Variants in DYNC1I1 observed in about 807,000 individuals in gnomAD.
DYNC1I1 encodes the protein dynein cytoplasmic 1 intermediate chain 1.
In DYNC1I1, 43 loss-of-function variants were observed where a neutral mutation model predicts 86.6. The observed-to-expected ratio is 0.50, with a 90% CI of 0.39 to 0.64. The LOEUF is 0.64. Among genes scored for constraint, DYNC1I1 ranks in the 30% least tolerant of loss-of-function variants. DYNC1I1 has a pLI of 0.00. For missense variants in DYNC1I1, 604 were observed against 788.8 expected, an observed-to-expected ratio of 0.77 and a Z score of 2.81; for synonymous variants, 262 against 283.7, an observed-to-expected ratio of 0.92 and a Z score of 0.77.
intron 5 of DYNC1I1, among the ~76,000 whole-genome samples, chr7:95,860,812 C>G (rs533088534): frequency 5.3e-5 from 8 of 152,152 alleles, no homozygotes; most frequent in African/African-American, 1.9e-4. Flanking sequence ...AGAAGGCAGA[C>G]AGGCAAAAAA....
Position 95,871,042 on chromosome 7 carries a change from C to T in DYNC1I1, c.490+1044C>T, listed in dbSNP as rs550804475. On this transcript the variant is annotated intron_variant, in intron 6 of 16. Transcript: ENST00000447467. ...TAGCATTTCCCCCTTAGTGATTTAC[C>T]GGAAATATAAAAATCAGTGCATTTT... 3.3e-5 allele frequency among the ~76,000 whole-genome samples: 5 copies of T among 152,078 alleles called. No homozygotes were observed. In the South Asian group the frequency reaches 1.0e-3, roughly 32 times the overall value.
intron 4 of DYNC1I1, among the ~76,000 whole-genome samples, chr7:95,822,952 G>T (rs746906779): frequency 1.3e-5 from 2 of 152,158 alleles, no homozygotes; most frequent in Non-Finnish European, 1.5e-5. Context: ...AGGTCATGGT[G>T]GGGGAGGGCA....
chr7:95,878,607 C>A (rs1011085767), intron 6 of DYNC1I1, among the ~76,000 whole-genome samples: 1 of 152,116 alleles, frequency 6.6e-6, no homozygotes, highest in Non-Finnish European at 1.5e-5. Context: ...TTAAGCAAAT[C>A]AGCCTACCTG....
intron 6 of DYNC1I1, among the ~76,000 whole-genome samples, chr7:95,908,565 T>C (rs1791237209): frequency 6.6e-6 from 1 of 152,216 alleles, no homozygotes. Flanking sequence ...TCTGATTTCC[T>C]GAGCATTTTT....
chr7:95,914,365 T>C (rs1328578720), intron 6 of DYNC1I1, among the ~76,000 whole-genome samples: 1 of 152,218 alleles, frequency 6.6e-6, no homozygotes, highest in Non-Finnish European at 1.5e-5. Context: ...AAATCCTTTC[T>C]GCGGGTTGTG....
intron 6 of DYNC1I1, among the ~76,000 whole-genome samples, chr7:95,870,424 C>T (rs929510109): frequency 1.3e-5 from 2 of 152,218 alleles, no homozygotes; most frequent in Non-Finnish European, 2.9e-5. Flanking sequence ...TGTTGGAATA[C>T]AGCTATATCC....
intron 1 of DYNC1I1, among the ~76,000 whole-genome samples, chr7:95,781,642 C>A (rs1458601251): frequency 2.0e-5 from 3 of 152,278 alleles, no homozygotes; most frequent in Non-Finnish European, 4.4e-5. Context: ...TCAACACCAC[C>A]GCTACCTTCC....
At chr7:95,969,693 C>A (rs1172094744) in intron 6 of DYNC1I1, among the ~76,000 whole-genome samples, 1 of 151,980 alleles carries the variant, frequency 6.6e-6, no homozygotes, top group Non-Finnish European at 1.5e-5. Flanking sequence ...TCTGACTTCC[C>A]CTCTCATTTT....
intron 7 of DYNC1I1, among the ~76,000 whole-genome samples, chr7:95,981,951 A>C (rs1486909253): frequency 6.6e-6 from 1 of 152,118 alleles, no homozygotes; most frequent in Admixed American, 6.6e-5. Flanking sequence ...TTCTGATTCT[A>C]TTTGTTTATT....
chr7:95,914,822 A>G (rs1455293001), intron 6 of DYNC1I1, among the ~76,000 whole-genome samples: 9 of 152,220 alleles, frequency 5.9e-5, no homozygotes. Flanking sequence ...TCTGTGGCAC[A>G]TGGTCTCGTG....
chr7:95,963,016 A>G (rs953591550), intron 6 of DYNC1I1, among the ~76,000 whole-genome samples: 1 of 152,102 alleles, frequency 6.6e-6, no homozygotes, highest in Non-Finnish European at 1.5e-5. Context: ...CAGGCCTTCC[A>G]TTATTTCCTC....
At chr7:95,891,148 G>A (rs938083297) in intron 6 of DYNC1I1, among the ~76,000 whole-genome samples, 4 of 152,162 alleles carry the variant, frequency 2.6e-5, no homozygotes, top group Non-Finnish European at 4.4e-5. Flanking sequence ...GAAAAAAACA[G>A]GGAGAAGGTG....
downstream of DYNC1I1, chr7:96,098,485 G>A: frequency 1.1e-6 from 1 of 921,778 alleles, no homozygotes; most frequent in Non-Finnish European, 1.3e-6. Flanking sequence ...ATTCTGCTGG[G>A]ACAAGAGATG....
At chr7:95,895,112 G>A (rs905260640) in intron 6 of DYNC1I1, among the ~76,000 whole-genome samples, 1 of 152,170 alleles carries the variant, frequency 6.6e-6, no homozygotes, top group Non-Finnish European at 1.5e-5. Context: ...CAGTGACCAC[G>A]ACCCTTTTTT....
At chr7:96,103,521 C>T (rs2116347759) in intron 16 of DYNC1I1, among the ~76,000 whole-genome samples, 1 of 152,296 alleles carries the variant, frequency 6.6e-6, no homozygotes, top group South Asian at 2.1e-4. Context: ...ATTGTTAGAA[C>T]ATTTAACTCC....
chr7:95,970,724 C>G (rs1024006753), intron 6 of DYNC1I1, among the ~76,000 whole-genome samples: 1 of 152,136 alleles, frequency 6.6e-6, no homozygotes, highest in African/African-American at 2.4e-5. Context: ...AGTCTCTGTA[C>G]TTAACGTTGA....
chr7:96,001,034 CA>C (rs1793998655), intron 10 of DYNC1I1, among the ~76,000 whole-genome samples: 2 of 152,288 alleles, frequency 1.3e-5, no homozygotes, highest in South Asian at 4.1e-4. Flanking sequence ...CATATCATTA[CA>C]AAAACTAGCC....
chr7:95,916,807 A>G (rs4729224), intron 6 of DYNC1I1, among the ~76,000 whole-genome samples: 11,172 of 152,288 alleles, frequency 0.073, 685 homozygotes, highest in Admixed American at 0.22. Flanking sequence ...AACTGCTCAC[A>G]GCCTGATTTC....
chr7:95,922,112 C>T (rs142328426), intron 6 of DYNC1I1, among the ~76,000 whole-genome samples: 153 of 152,208 alleles, frequency 1.0e-3, no homozygotes, highest in African/African-American at 3.5e-3. Context: ...TTCAATGACA[C>T]AAAATTAAAC....
Sources: allele counts gnomAD v4.1 joint callset (sites outside exome capture counted in the v4.1 genomes callset), GRCh38; gene constraint gnomAD v4.1.1; transcripts MANE v1.5; gene names NCBI Gene and HGNC (gene_info 2026-07-23, HGNC 2026-07-21).